DCLK1: variants seen among roughly 807,000 people sequenced by gnomAD.
The protein encoded by DCLK1 is serine/threonine-protein kinase DCLK1.
DCLK1 carries 16 observed loss-of-function variants against 86.2 expected under a neutral mutation model. That is an observed-to-expected ratio of 0.19 (90% CI 0.13 to 0.28). DCLK1 has a LOEUF of 0.28. Among genes scored for constraint, DCLK1 ranks in the 10% least tolerant of loss-of-function variants. The probability of loss-of-function intolerance (pLI) is 1.00; values close to 1 mark genes in which losing one functional copy is unlikely to be tolerated. For missense variants in DCLK1, 590 were observed against 940.2 expected, an observed-to-expected ratio of 0.63 and a Z score of 4.87; for synonymous variants, 369 against 370.5, an observed-to-expected ratio of 1.00 and a Z score of 0.05.
intron 3 of DCLK1, among the ~76,000 whole-genome samples, chr13:36,002,129 G>T (rs888093090): frequency 4.6e-5 from 7 of 152,152 alleles, no homozygotes; most frequent in African/African-American, 1.2e-4. Context: ...CCAATTCAAG[G>T]CTTGGTGTAG....
At chr13:36,015,185 A>G (rs1202361540) in intron 3 of DCLK1, among the ~76,000 whole-genome samples, 2 of 152,178 alleles carry the variant, frequency 1.3e-5, no homozygotes, top group African/African-American at 4.8e-5. Context: ...CATCCTCCAA[A>G]TTTCTTCAGG....
At chr13:35,942,349 G>T (rs1228614669) in intron 4 of DCLK1, among the ~76,000 whole-genome samples, 1 of 152,054 alleles carries the variant, frequency 6.6e-6, no homozygotes, top group Non-Finnish European at 1.5e-5. Context: ...TGTATTTTTA[G>T]TAGAGATGGG....
intron 4 of DCLK1, among the ~76,000 whole-genome samples, chr13:35,877,993 G>A (rs1355162486): frequency 3.3e-5 from 5 of 152,050 alleles, no homozygotes; most frequent in African/African-American, 1.2e-4. Context: ...GAATATCAAG[G>A]CTGTCAATGG....
In DCLK1 at chr13:35,866,812, A is replaced by G. The variant is rs181550357; in HGVS notation, c.940+4412T>C. Among the ~76,000 whole-genome samples, 48 of 152,294 alleles carry G rather than the reference A, an allele frequency of 3.2e-4. No individual in the cohort carries two copies. The East Asian group carries it at 8.5e-3, about 27-fold the overall frequency. On this transcript the variant is annotated intron_variant, in intron 5 of 16. Coordinates refer to ENST00000360631, the MANE Select transcript of DCLK1 (RefSeq NM_001330071.2). ...AATTCATGTTTGAGTCCATATGATTAATGAAAAACACTAAACAGGCTATTT... is the reference window on the plus strand; with the variant it reads ...AATTCATGTTTGAGTCCATATGATTGATGAAAAACACTAAACAGGCTATTT...
At chr13:36,076,670 G>A (rs1330825183) in intron 3 of DCLK1, among the ~76,000 whole-genome samples, 3 of 152,082 alleles carry the variant, frequency 2.0e-5, no homozygotes, top group South Asian at 4.2e-4. Flanking sequence ...GACTCCTTAC[G>A]ATCTGCACAG....
At chr13:35,979,303 A>G (rs1566630391) in intron 3 of DCLK1, among the ~76,000 whole-genome samples, 1 of 152,196 alleles carries the variant, frequency 6.6e-6, no homozygotes, top group Non-Finnish European at 1.5e-5. Flanking sequence ...CGGCCGGGGA[A>G]GGACTAATCA....
At chr13:35,916,803 G>C (rs1049841746) in intron 4 of DCLK1, among the ~76,000 whole-genome samples, 1 of 152,138 alleles carries the variant, frequency 6.6e-6, no homozygotes, top group African/African-American at 2.4e-5. Context: ...AGGACATGCT[G>C]TCCTAACTAC....
chr13:36,125,078 T>C (rs1371091392), intron 2 of DCLK1, among the ~76,000 whole-genome samples: 1 of 152,092 alleles, frequency 6.6e-6, no homozygotes, highest in Non-Finnish European at 1.5e-5. Flanking sequence ...TATTTCCACA[T>C]TAAATGTCTA....
At chr13:35,959,196 A>T (rs1298094169) in intron 3 of DCLK1, among the ~76,000 whole-genome samples, 1 of 152,180 alleles carries the variant, frequency 6.6e-6, no homozygotes, top group African/African-American at 2.4e-5. Flanking sequence ...ATATTAGAGC[A>T]TCTACAATTA....
At chr13:36,014,078 C>T (rs1057471421) in intron 3 of DCLK1, among the ~76,000 whole-genome samples, 16 of 152,200 alleles carry the variant, frequency 1.1e-4, no homozygotes, top group Admixed American at 7.2e-4. Flanking sequence ...GCGCACGGTG[C>T]GCGCACCCAC....
intron 6 of DCLK1, chr13:35,846,360 T>C (rs944853608): frequency 1.2e-5 from 12 of 985,268 alleles, no homozygotes; most frequent in Non-Finnish European, 1.4e-5. Flanking sequence ...AAGTTAACTT[T>C]CATACTTCTT....
chr13:36,078,726 A>G (rs1268989064), intron 3 of DCLK1, among the ~76,000 whole-genome samples: 1 of 152,218 alleles, frequency 6.6e-6, no homozygotes, highest in African/African-American at 2.4e-5. Context: ...TGGTAGACAG[A>G]CTTTCAAATG....
intron 3 of DCLK1, among the ~76,000 whole-genome samples, chr13:36,078,857 A>G (rs1884312371): frequency 6.6e-6 from 1 of 152,146 alleles, no homozygotes; most frequent in African/African-American, 2.4e-5. Context: ...ATTTTTGTGA[A>G]TTTTGCATTT....
At chr13:35,981,040 G>C (rs552256372) in intron 3 of DCLK1, among the ~76,000 whole-genome samples, 66 of 152,148 alleles carry the variant, frequency 4.3e-4, no homozygotes, top group South Asian at 2.1e-3. Flanking sequence ...AATCAAAAGA[G>C]AGCCAAAGAG....
At chr13:35,958,828 A>G (rs140784810) in intron 3 of DCLK1, among the ~76,000 whole-genome samples, 2,974 of 152,344 alleles carry the variant, frequency 0.02, 43 homozygotes, top group Non-Finnish European at 0.024. Flanking sequence ...GGCTTCCAAA[A>G]TATTGGAGAA....
At chr13:35,806,127 A>T (rs965102524) in intron 14 of DCLK1, among the ~76,000 whole-genome samples, 9 of 152,192 alleles carry the variant, frequency 5.9e-5, no homozygotes, top group Admixed American at 5.2e-4. Flanking sequence ...TAATTAGTTT[A>T]ATATAGAAGT....
chr13:35,788,386 G>GAA, intron 16 of DCLK1: 5 of 1,052,832 alleles, frequency 4.7e-6, no homozygotes, highest in Non-Finnish European at 7.3e-6. Context: ...TGTATATATA[G>GAA]TTACGATGCC....
intron 11 of DCLK1, among the ~76,000 whole-genome samples, chr13:35,818,886 C>T (rs1296259426): frequency 2.0e-5 from 3 of 151,854 alleles, no homozygotes; most frequent in Non-Finnish European, 4.4e-5. Flanking sequence ...TACACGCATA[C>T]ATACACAGTG....
chr13:36,056,618 T>TAAAAA (rs71196600), intron 3 of DCLK1, among the ~76,000 whole-genome samples: 1 of 109,798 alleles, frequency 9.1e-6, no homozygotes, highest in Admixed American at 9.5e-5. Flanking sequence ...AAGTATAATT[T>TAAAAA]AAAAAAAAAA....
Sources: allele counts gnomAD v4.1 joint callset (sites outside exome capture counted in the v4.1 genomes callset), GRCh38; gene constraint gnomAD v4.1.1; transcripts MANE v1.5; gene names NCBI Gene and HGNC (gene_info 2026-07-23, HGNC 2026-07-21).